The following CACNA2D3 variants were observed in gnomAD, a reference collection of about 807,000 sequenced individuals.
The protein encoded by CACNA2D3 is calcium voltage-gated channel auxiliary subunit alpha2delta 3.
In CACNA2D3, 60 loss-of-function variants were observed where a neutral mutation model predicts 160.6. The ratio of observed to expected loss-of-function variants is 0.37; its 90% confidence interval spans 0.30 to 0.46. The LOEUF is 0.46. Among genes scored for constraint, CACNA2D3 ranks in the 20% least tolerant of loss-of-function variants. The probability of loss-of-function intolerance (pLI) is 1.00; values close to 1 mark genes in which losing one functional copy is unlikely to be tolerated. For synonymous variants in CACNA2D3, 558 were observed against 492.9 expected (o/e 1.13, Z -1.75); for missense variants, 1,205 against 1,365.0 (o/e 0.88, Z 1.85).
intron 4 of CACNA2D3, among the ~76,000 whole-genome samples, chr3:54,481,675 A>G (rs755042062): frequency 1.3e-5 from 2 of 152,216 alleles, no homozygotes; most frequent in Admixed American, 6.5e-5. Flanking sequence ...ACCCCTGACT[A>G]CAGGCAACTC....
intron 2 of CACNA2D3, among the ~76,000 whole-genome samples, chr3:54,144,394 C>G (rs1576956014): frequency 6.6e-6 from 1 of 152,198 alleles, no homozygotes; most frequent in East Asian, 1.9e-4. Flanking sequence ...TCAGAGCATC[C>G]TCATAAGGGG....
intron 35 of CACNA2D3, among the ~76,000 whole-genome samples, chr3:55,033,584 GTATATATATA>G (rs36230201): frequency 2.4e-4 from 27 of 112,812 alleles, no homozygotes; most frequent in African/African-American, 7.5e-4. Context: ...ATGTGTGTGT[GTATATATATA>G]TATATATATA....
chr3:54,185,989 C>T (rs986512708), intron 2 of CACNA2D3, among the ~76,000 whole-genome samples: 4 of 152,176 alleles, frequency 2.6e-5, no homozygotes, highest in Admixed American at 1.3e-4. Context: ...TTTGCTCTCC[C>T]ATCCTCCCCC....
chr3:54,321,444 G>A (rs971722314), intron 3 of CACNA2D3, among the ~76,000 whole-genome samples: 3 of 152,020 alleles, frequency 2.0e-5, no homozygotes, highest in African/African-American at 4.8e-5. Context: ...ACCACACCTC[G>A]CTCACTTGCA....
intron 11 of CACNA2D3, among the ~76,000 whole-genome samples, chr3:54,700,675 G>A (rs538903909): frequency 1.3e-5 from 2 of 152,286 alleles, no homozygotes; most frequent in South Asian, 4.1e-4. Context: ...TAACCAGTTG[G>A]TAGAAGAATG....
At chr3:54,492,642 A>G (rs941239961) in intron 4 of CACNA2D3, among the ~76,000 whole-genome samples, 3 of 152,212 alleles carry the variant, frequency 2.0e-5, no homozygotes, top group Non-Finnish European at 4.4e-5. Flanking sequence ...TTGTCACCGC[A>G]CGAGGACGTG....
At chr3:55,049,302 G>A (rs1271812228) in intron 35 of CACNA2D3, among the ~76,000 whole-genome samples, 1 of 146,484 alleles carries the variant, frequency 6.8e-6, no homozygotes, top group Non-Finnish European at 1.5e-5. Flanking sequence ...GGTATGTCGT[G>A]TCTTTGTTCT....
In CACNA2D3 at chr3:54,885,340, C is replaced by T. The variant is rs1056140714; in HGVS notation, c.1958+14C>T. The T allele has an allele frequency of 1.2e-6, 2 of 1,613,606 alleles. No individual in the cohort carries two copies. The highest frequency in any genetic ancestry group is 8.5e-7 in the Non-Finnish European group (1 of 1,179,676). ...GGCAGATGAATGGTAAGAATTAAACCATCCCTCCTTGACCATGGCATCCTT... is the reference window on the plus strand; with the variant it reads ...GGCAGATGAATGGTAAGAATTAAACTATCCCTCCTTGACCATGGCATCCTT... On this transcript the variant is annotated intron_variant, in intron 22 of 37. Transcript: ENST00000474759.
intron 28 of CACNA2D3, 150 bp from the exon 29 acceptor site, chr3:54,969,650 G>T: frequency 1.6e-6 from 1 of 620,284 alleles, no homozygotes; most frequent in African/African-American, 1.9e-5. Flanking sequence ...GACACATCAT[G>T]GAGCATTCCT....
intron 11 of CACNA2D3, among the ~76,000 whole-genome samples, chr3:54,731,811 T>A (rs2107015071): frequency 6.6e-6 from 1 of 152,216 alleles, no homozygotes; most frequent in East Asian, 1.9e-4. Flanking sequence ...AGGCAGGTAA[T>A]GTCTTCTGTG....
intron 2 of CACNA2D3, among the ~76,000 whole-genome samples, chr3:54,255,039 G>A (rs1359678093): frequency 2.6e-5 from 4 of 152,204 alleles, no homozygotes; most frequent in East Asian, 1.9e-4. Flanking sequence ...TTGCTGAGGG[G>A]AGAGACAACA....
chr3:54,501,994 G>T (rs1241401571), intron 4 of CACNA2D3, among the ~76,000 whole-genome samples: 1 of 152,156 alleles, frequency 6.6e-6, no homozygotes, highest in African/African-American at 2.4e-5. Context: ...GAAGTCTGAT[G>T]TAATCCTTAT....
At chr3:54,609,381 C>A (rs916261946) in intron 9 of CACNA2D3, among the ~76,000 whole-genome samples, 3 of 152,122 alleles carry the variant, frequency 2.0e-5, no homozygotes, top group African/African-American at 4.8e-5. Context: ...GCAGCCCTGG[C>A]AAATTAATAC....
At chr3:54,923,764 T>C (rs1176342607) in intron 27 of CACNA2D3, among the ~76,000 whole-genome samples, 1 of 152,174 alleles carries the variant, frequency 6.6e-6, no homozygotes, top group Admixed American at 6.5e-5. Context: ...TGTTCTCACC[T>C]GGGCTTCTGC....
intron 8 of CACNA2D3, among the ~76,000 whole-genome samples, chr3:54,571,799 C>G (rs1386261726): frequency 6.6e-6 from 1 of 152,148 alleles, no homozygotes; most frequent in East Asian, 1.9e-4. Flanking sequence ...GAATCCCATT[C>G]ACCACATATG....
chr3:54,607,980 T>A (rs1698671187), intron 9 of CACNA2D3, among the ~76,000 whole-genome samples: 1 of 148,048 alleles, frequency 6.8e-6, no homozygotes, highest in South Asian at 2.2e-4. Context: ...TAGAAAATGA[T>A]CAGTGGTTTC....
chr3:54,558,842 A>G (rs1320139638), intron 5 of CACNA2D3, among the ~76,000 whole-genome samples: 1 of 152,186 alleles, frequency 6.6e-6, no homozygotes, highest in African/African-American at 2.4e-5. Context: ...ACCTCAGATC[A>G]GAGAGGCTTT....
chr3:54,790,156 T>G (rs952941275), intron 13 of CACNA2D3, among the ~76,000 whole-genome samples: 5 of 152,334 alleles, frequency 3.3e-5, no homozygotes, highest in South Asian at 2.1e-4. Flanking sequence ...GCTTTGCCAC[T>G]TAGCAGCTGT....
At chr3:54,470,991 AT>A (rs1700720699) in intron 4 of CACNA2D3, among the ~76,000 whole-genome samples, 1 of 152,072 alleles carries the variant, frequency 6.6e-6, no homozygotes, top group African/African-American at 2.4e-5. Context: ...CACTGTCAAT[AT>A]TAGATCAATG....
Sources: gnomAD v4.1 joint callset for allele counts (sites outside exome capture counted in the v4.1 genomes callset) on GRCh38, gnomAD v4.1.1 for gene constraint, MANE v1.5 for transcripts, NCBI Gene and HGNC (gene_info 2026-07-23, HGNC 2026-07-21) for gene names.